The following ZNF678 variants were observed in gnomAD, a reference collection of about 807,000 sequenced individuals.
The protein encoded by ZNF678 is zinc finger protein 678, also known as hypothetical protein MGC42493.
Under a neutral mutation model 3.0 loss-of-function variants are expected in ZNF678, and 5 were observed. The observed-to-expected ratio is 1.69, with a 90% CI of 0.88 to 3.56. The LOEUF is 3.56. Among genes scored for constraint, ZNF678 ranks in the 30% most tolerant of loss-of-function variants. ZNF678 has a pLI of 0.00. For synonymous variants in ZNF678, 218 were observed against 199.6 expected, an observed-to-expected ratio of 1.09 and a Z score of -0.78; for missense variants, 593 against 605.0, an observed-to-expected ratio of 0.98 and a Z score of 0.21.
intron 1 of ZNF678, among the ~76,000 whole-genome samples, chr1:227,612,321 T>C (rs1439040854): frequency 1.3e-5 from 2 of 152,200 alleles, no homozygotes; most frequent in African/African-American, 4.8e-5. Flanking sequence ...TCCTGGCTGT[T>C]GAGCAGTCTG....
chr1:227,575,272 C>G (rs879481712), intron 1 of ZNF678, among the ~76,000 whole-genome samples: 2 of 152,034 alleles, frequency 1.3e-5, no homozygotes, highest in East Asian at 1.9e-4. Context: ...TTCTCTAGTT[C>G]TGTGAAGCAT....
rs975136899 is a variant in ZNF678 at position 227,607,175 on chromosome 1, C to G, written c.-163-39369C>G. On this transcript the variant is annotated intron_variant, in intron 1 of 3. Transcript: ENST00000343776. ...AGTCTATTAACACATCCTGTTTTGT[C>G]TAGAATTTGTTTTTATAATTTTTGT... is the stretch of plus-strand genomic sequence containing the variant. 5.9e-5 allele frequency among the ~76,000 whole-genome samples: 9 copies of G among 152,062 alleles called. No individual in the cohort carries two copies. In the East Asian group the frequency reaches 1.7e-3, roughly 29 times the overall value.
chr1:227,601,705 C>T (rs1314286924), intron 1 of ZNF678, among the ~76,000 whole-genome samples: 2 of 152,036 alleles, frequency 1.3e-5, no homozygotes, highest in East Asian at 1.9e-4. Flanking sequence ...GCTGGGATTA[C>T]AGGCATGTGC....
chr1:227,622,997 A>G lies in ZNF678; in HGVS notation c.-163-23547A>G, dbSNP rs116646820. Among the ~76,000 whole-genome samples, 702 of 152,320 alleles carry G rather than the reference A, an allele frequency of 4.6e-3. 2 individuals are homozygous for G. Among genetic ancestry groups the G allele is most frequent in the African/African-American group, 0.015 (640 of 41,578 alleles). ...GGCTCAGGTATGGTTCACCCTATCT[A>G]TGGAGCTTTACTACACCTTCCTCCT... On this transcript the variant is annotated intron_variant, in intron 1 of 3. Transcript: ENST00000343776.
intron 1 of ZNF678, among the ~76,000 whole-genome samples, chr1:227,603,363 A>G (rs1571879512): frequency 6.6e-6 from 1 of 152,080 alleles, no homozygotes. Flanking sequence ...TGTATGGGGT[A>G]CTCAGATGCC....
intron 1 of ZNF678, among the ~76,000 whole-genome samples, chr1:227,570,103 G>T (rs1258383793): frequency 6.6e-6 from 1 of 152,198 alleles, no homozygotes. Context: ...GGGCAGACTG[G>T]ATTGTCTTCA....
rs1400272134 is a variant in ZNF678, at chr1:227,658,800, C to T, written c.*2972C>T. 6.6e-6 allele frequency: 1 copy of T among 151,990 alleles called. No individual in the cohort carries two copies. The highest frequency in any genetic ancestry group is 2.4e-5 in the African/African-American group (1 of 41,384). The allele number at this position is 151,990 out of a possible 1,614,324, so 9.4% of individuals were successfully genotyped here. ...CTACACAGTTTATAGGATTAAATTA[C>T]TGAGTTAGTAATGTTTGTATGAAAG... On this transcript the variant is annotated 3_prime_UTR_variant, in exon 4 of 4. Transcript: ENST00000343776.
At chr1:227,620,276 T>G (rs1658248194) in intron 1 of ZNF678, among the ~76,000 whole-genome samples, 1 of 152,196 alleles carries the variant, frequency 6.6e-6, no homozygotes, top group African/African-American at 2.4e-5. Flanking sequence ...AAGTTGCTCC[T>G]TTTTCCCCCC....
At chr1:227,673,437 C>A (rs1558165237) in intron 5 of ZNF678, among the ~76,000 whole-genome samples, 1 of 152,144 alleles carries the variant, frequency 6.6e-6, no homozygotes, top group Non-Finnish European at 1.5e-5. Flanking sequence ...AGAAATAAAA[C>A]AAAATTGGAG....
intron 3 of ZNF678, among the ~76,000 whole-genome samples, chr1:227,652,507 G>C (rs572978363): frequency 6.6e-6 from 1 of 152,018 alleles, no homozygotes. Flanking sequence ...TTGGATTCTT[G>C]TAGCCATTGC....
chr1:227,591,535 A>T (rs1188279530), intron 1 of ZNF678, among the ~76,000 whole-genome samples: 1 of 152,126 alleles, frequency 6.6e-6, no homozygotes, highest in East Asian at 1.9e-4. Flanking sequence ...ACAGGCATCA[A>T]ATTTTAAGGT....
At position 227,651,016 on chromosome 1, in the gene ZNF678, G is replaced by A. The variant is rs1276479807; in HGVS notation, c.25G>A (p.Gly9Ser). 6.2e-7 allele frequency: 1 copy of A among 1,613,040 alleles called. No homozygotes were observed. The highest frequency in any genetic ancestry group is 2.2e-5 in the East Asian group (1 of 44,882). The change falls in exon 3 of 4, where the codon GGT becomes AGT. Residue 9 changes from glycine to serine, a missense_variant. Gly to Ser is a moderately conservative substitution (Grantham distance 56, BLOSUM62 0). Transcript: ENST00000343776. ...AATGGGCACAATATCACTTTGCATT[G>A]GTGTCTGTGCATTTGAAGGAGCAAA... MGTISLCIGVCAFEGANTS... is the reference protein window; with the variant it reads MGTISLCISVCAFEGANTS...
At chr1:227,646,222 AT>A (rs1473019495) in intron 1 of ZNF678, among the ~76,000 whole-genome samples, 1 of 152,192 alleles carries the variant, frequency 6.6e-6, no homozygotes, top group African/African-American at 2.4e-5. Context: ...ACTTCAGATG[AT>A]TTTTCCATCT....
At chr1:227,618,066 A>C (rs1658184988) in intron 1 of ZNF678, among the ~76,000 whole-genome samples, 1 of 152,138 alleles carries the variant, frequency 6.6e-6, no homozygotes, top group African/African-American at 2.4e-5. Flanking sequence ...GCAGAGAACA[A>C]CACTTCGCCC....
intron 1 of ZNF678, among the ~76,000 whole-genome samples, chr1:227,635,947 T>C (rs933504313): frequency 1.3e-5 from 2 of 152,138 alleles, no homozygotes; most frequent in East Asian, 1.9e-4. Context: ...CAATAACTAC[T>C]TCAGGCGTGA....
At chr1:227,579,958 G>T (rs1048601162) in intron 1 of ZNF678, among the ~76,000 whole-genome samples, 2 of 152,114 alleles carry the variant, frequency 1.3e-5, no homozygotes, top group Non-Finnish European at 2.9e-5. Flanking sequence ...CAGCTGGCTT[G>T]CTATCTCTAC....
At chr1:227,644,273 C>T (rs562083700) in intron 1 of ZNF678, among the ~76,000 whole-genome samples, 7 of 152,184 alleles carry the variant, frequency 4.6e-5, no homozygotes, top group Non-Finnish European at 7.3e-5. Context: ...ACCTACCTCT[C>T]GGGGTTTTAT....
At chr1:227,623,153 T>C (rs1414828140) in intron 1 of ZNF678, among the ~76,000 whole-genome samples, 1 of 152,280 alleles carries the variant, frequency 6.6e-6, no homozygotes, top group Non-Finnish European at 1.5e-5. Context: ...TACTTCTTTA[T>C]ATATTTGCTC....
At chr1:227,578,222 G>A (rs1657035536) in intron 1 of ZNF678, among the ~76,000 whole-genome samples, 2 of 152,094 alleles carry the variant, frequency 1.3e-5, no homozygotes, top group Admixed American at 6.6e-5. Flanking sequence ...TCTTAAAGAT[G>A]ATCTTGTTTT....
Sources: gnomAD v4.1 joint callset for allele counts (sites outside exome capture counted in the v4.1 genomes callset) on GRCh38, gnomAD v4.1.1 for gene constraint, MANE v1.5 for transcripts, NCBI Gene and HGNC (gene_info 2026-07-23, HGNC 2026-07-21) for gene names.